Variants in DACH1 observed in about 807,000 individuals in gnomAD.
DACH1 encodes dachshund family transcription factor 1.
DACH1 carries 12 observed loss-of-function variants against 54.2 expected under a neutral mutation model. The observed-to-expected ratio is 0.22, with a 90% CI of 0.14 to 0.36. The LOEUF is 0.36. Among genes scored for constraint, DACH1 ranks in the 10% least tolerant of loss-of-function variants. The pLI, the probability that DACH1 is intolerant of heterozygous loss-of-function variation, is 1.00. For synonymous variants in DACH1, 386 were observed against 366.2 expected (o/e 1.05, Z -0.62); for missense variants, 805 against 929.8 (o/e 0.87, Z 1.75).
At chr13:71,488,949 C>A in intron 7 of DACH1, 48 bp downstream of exon 7, 1 of 1,569,142 alleles carries the variant, frequency 6.4e-7, no homozygotes, top group Non-Finnish European at 8.6e-7. Context: ...AAAAAATCTA[C>A]AACAGGGTGT....
chr13:71,610,209 A>G (rs1478306148), intron 3 of DACH1, among the ~76,000 whole-genome samples: 1 of 152,204 alleles, frequency 6.6e-6, no homozygotes, highest in Non-Finnish European at 1.5e-5. Context: ...AAATAGAACT[A>G]GAATATAATA....
intron 10 of DACH1, among the ~76,000 whole-genome samples, chr13:71,466,013 T>A (rs1452695068): frequency 6.6e-6 from 1 of 152,210 alleles, no homozygotes; most frequent in Non-Finnish European, 1.5e-5. Context: ...AATTAAATTT[T>A]CTTTCTTACA....
At chr13:71,505,902 T>A (rs2138243809) in intron 6 of DACH1, among the ~76,000 whole-genome samples, 1 of 152,196 alleles carries the variant, frequency 6.6e-6, no homozygotes, top group South Asian at 2.1e-4. Flanking sequence ...TAATATTGAC[T>A]AAAAATTTAA....
chr13:71,797,609 G>T (rs965750481), intron 1 of DACH1, among the ~76,000 whole-genome samples: 1 of 152,088 alleles, frequency 6.6e-6, no homozygotes, highest in Non-Finnish European at 1.5e-5. Flanking sequence ...GGTAGCACAG[G>T]AACACAGAGG....
intron 1 of DACH1, among the ~76,000 whole-genome samples, chr13:71,753,564 T>C (rs150817462): frequency 6.6e-6 from 1 of 152,312 alleles, no homozygotes; most frequent in East Asian, 1.9e-4. Context: ...TATCCAGGTC[T>C]GAAAAAGTAC....
intron 3 of DACH1, among the ~76,000 whole-genome samples, chr13:71,619,659 A>G (rs1876059692): frequency 1.3e-5 from 2 of 151,952 alleles, no homozygotes; most frequent in African/African-American, 4.8e-5. Context: ...AAAAATGAAT[A>G]TATTCAGTAA....
At chr13:71,503,612 T>C (rs1566301754) in intron 6 of DACH1, among the ~76,000 whole-genome samples, 1 of 152,208 alleles carries the variant, frequency 6.6e-6, no homozygotes, top group Non-Finnish European at 1.5e-5. Flanking sequence ...GTGGCTGCCC[T>C]GTGCAGCAAA....
At chr13:71,827,857 C>T (rs566931927) in intron 1 of DACH1, among the ~76,000 whole-genome samples, 14 of 152,088 alleles carry the variant, frequency 9.2e-5, no homozygotes, top group African/African-American at 3.1e-4. Flanking sequence ...TTAAGGCAAG[C>T]GCCTGGGCTC....
intron 10 of DACH1, among the ~76,000 whole-genome samples, chr13:71,455,361 G>T (rs937169461): frequency 2.8e-4 from 43 of 151,760 alleles, no homozygotes; most frequent in African/African-American, 1.0e-3. Flanking sequence ...GATATAGATA[G>T]ATATATCCAT....
chr13:71,692,325 C>T (rs1355810437), intron 1 of DACH1, among the ~76,000 whole-genome samples: 2 of 152,060 alleles, frequency 1.3e-5, no homozygotes, highest in South Asian at 4.2e-4. Context: ...TAATTATTCT[C>T]TAATAGTTTT....
chr13:71,513,506 T>C (rs1880936843), intron 6 of DACH1, among the ~76,000 whole-genome samples: 1 of 152,012 alleles, frequency 6.6e-6, no homozygotes, highest in African/African-American at 2.4e-5. Context: ...TAGTATTATA[T>C]TTATTTGTTT....
At chr13:71,802,745 AT>A (rs1168084086) in intron 1 of DACH1, among the ~76,000 whole-genome samples, 15 of 151,540 alleles carry the variant, frequency 9.9e-5, no homozygotes, top group Non-Finnish European at 2.1e-4. Flanking sequence ...AAAATATACC[AT>A]TGTTTTCAGA....
chr13:71,488,876 G>A, intron 7 of DACH1, 121 bp downstream of exon 7: 1 of 901,916 alleles, frequency 1.1e-6, no homozygotes, highest in Non-Finnish European at 1.7e-6. Flanking sequence ...TGCTTGAAGA[G>A]TTTAATACCA....
At chr13:71,706,374 T>G (rs1365658700) in intron 1 of DACH1, among the ~76,000 whole-genome samples, 4 of 152,054 alleles carry the variant, frequency 2.6e-5, no homozygotes, top group Non-Finnish European at 5.9e-5. Flanking sequence ...GAGATGTATT[T>G]TTAATAACAG....
chr13:71,722,286 C>A (rs76115590), intron 1 of DACH1, among the ~76,000 whole-genome samples: 2,123 of 152,218 alleles, frequency 0.014, 33 homozygotes, highest in African/African-American at 0.035. Context: ...AGATTTTCTA[C>A]CTTTTGAGAG....
At chr13:71,496,362 G>A (rs1879443389) in intron 6 of DACH1, among the ~76,000 whole-genome samples, 1 of 132,880 alleles carries the variant, frequency 7.5e-6, no homozygotes, top group African/African-American at 2.9e-5. Context: ...TATATATATA[G>A]ACAAAATGGA....
chr13:71,762,391 A>T (rs552905680), intron 1 of DACH1, among the ~76,000 whole-genome samples: 1 of 152,316 alleles, frequency 6.6e-6, no homozygotes, highest in Non-Finnish European at 1.5e-5. Context: ...CAAATGAGTG[A>T]GCAAGAAAAT....
At chr13:71,638,875 G>A (rs967023206) in intron 2 of DACH1, among the ~76,000 whole-genome samples, 5 of 152,114 alleles carry the variant, frequency 3.3e-5, no homozygotes, top group Non-Finnish European at 7.4e-5. Context: ...AACTCTCACC[G>A]TGTGCAATTA....
chr13:71,611,441 G>A (rs747910799), intron 3 of DACH1, among the ~76,000 whole-genome samples: 24 of 152,158 alleles, frequency 1.6e-4, no homozygotes, highest in Non-Finnish European at 3.1e-4. Flanking sequence ...TAAGGCTTTA[G>A]TATTAATAGC....
Sources: allele counts gnomAD v4.1 joint callset (sites outside exome capture counted in the v4.1 genomes callset), GRCh38; gene constraint gnomAD v4.1.1; transcripts MANE v1.5; gene names NCBI Gene and HGNC (gene_info 2026-07-23, HGNC 2026-07-21).